The following TAFA1 variants were observed in gnomAD, a reference collection of about 807,000 sequenced individuals.
TAFA1 encodes the protein chemokine-like protein TAFA-1.
TAFA1 carries 4 observed loss-of-function variants against 18.5 expected under a neutral mutation model. The ratio of observed to expected loss-of-function variants is 0.22; its 90% CI spans 0.11 to 0.49. TAFA1 has a LOEUF of 0.49. TAFA1 is among the 20% of genes least tolerant of loss of function. The probability of loss-of-function intolerance (pLI) is 0.98; values close to 1 mark genes in which losing one functional copy is unlikely to be tolerated. For synonymous variants in TAFA1, 56 were observed against 55.2 expected (o/e 1.01, Z -0.06); for missense variants, 147 against 169.0 (o/e 0.87, Z 0.72).
the TAFA1 span, among the ~76,000 whole-genome samples, chr3:67,995,733 C>T: frequency 6.6e-6 from 1 of 152,162 alleles, no homozygotes; most frequent in Non-Finnish European, 1.5e-5. Context: ...GCATTTTCCT[C>T]TGGCACTAGG....
At chr3:68,168,109 C>T in intron 2 of TAFA1, among the ~76,000 whole-genome samples, 1 of 115,060 alleles carries the variant, frequency 8.7e-6, no homozygotes, top group African/African-American at 3.2e-5. Flanking sequence ...AACTTTTGGT[C>T]TGTTTATTTG....
chr3:68,203,181 C>T (rs2066487701), intron 2 of TAFA1, among the ~76,000 whole-genome samples: 1 of 151,594 alleles, frequency 6.6e-6, no homozygotes, highest in Non-Finnish European at 1.5e-5. Context: ...ATCTTTGCTC[C>T]TTTGCAGGTA....
chr3:68,061,062 T>C (rs2064596547), intron 2 of TAFA1, among the ~76,000 whole-genome samples: 1 of 152,138 alleles, frequency 6.6e-6, no homozygotes, highest in African/African-American at 2.4e-5. Flanking sequence ...TGTTTGGAGA[T>C]GGAGCTAACA....
intron 2 of TAFA1, among the ~76,000 whole-genome samples, chr3:68,066,152 C>T (rs1013763277): frequency 6.6e-6 from 1 of 151,996 alleles, no homozygotes; most frequent in African/African-American, 2.4e-5. Context: ...ATGCATATAT[C>T]AAAATTTATC....
At chr3:68,255,450 CT>C (rs892026070) in intron 2 of TAFA1, among the ~76,000 whole-genome samples, 2 of 151,946 alleles carry the variant, frequency 1.3e-5, no homozygotes, top group African/African-American at 4.8e-5. Context: ...GAATTGAGAA[CT>C]TTTTTTAAGG....
intron 2 of TAFA1, among the ~76,000 whole-genome samples, chr3:68,313,659 A>T (rs2068559582): frequency 6.6e-6 from 1 of 152,254 alleles, no homozygotes; most frequent in Non-Finnish European, 1.5e-5. Flanking sequence ...ATCTTTCTGC[A>T]GTGTACACCT....
At chr3:68,465,031 G>A (rs937037582) in intron 3 of TAFA1, among the ~76,000 whole-genome samples, 15 of 152,176 alleles carry the variant, frequency 9.9e-5, no homozygotes, top group South Asian at 4.1e-4. Flanking sequence ...GTCCTAAACC[G>A]TACAAAATAA....
intron 3 of TAFA1, among the ~76,000 whole-genome samples, chr3:68,506,185 C>T (rs2072749755): frequency 6.6e-6 from 1 of 152,052 alleles, no homozygotes; most frequent in Admixed American, 6.6e-5. Flanking sequence ...TGATAGTTTC[C>T]AGCTTCATCC....
At chr3:68,123,258 G>A (rs531046713) in intron 2 of TAFA1, among the ~76,000 whole-genome samples, 16 of 152,288 alleles carry the variant, frequency 1.1e-4, no homozygotes, top group African/African-American at 3.8e-4. Context: ...CAGGAGCACA[G>A]AGACTGGGCT....
intron 3 of TAFA1, among the ~76,000 whole-genome samples, chr3:68,505,259 C>T (rs2072727320): frequency 6.6e-6 from 1 of 152,154 alleles, no homozygotes; most frequent in Admixed American, 6.6e-5. Context: ...GGAATAGTCA[C>T]ATATGATGCA....
intron 2 of TAFA1, among the ~76,000 whole-genome samples, chr3:68,413,689 C>T (rs901733465): frequency 2.0e-5 from 3 of 151,844 alleles, no homozygotes; most frequent in African/African-American, 2.4e-5. Context: ...ATGGGACACA[C>T]AGACAATAAT....
At chr3:68,485,423 T>C (rs1032778689) in intron 3 of TAFA1, among the ~76,000 whole-genome samples, 2 of 152,190 alleles carry the variant, frequency 1.3e-5, no homozygotes, top group African/African-American at 4.8e-5. Context: ...TCAGGAAAAG[T>C]CCATCATTTT....
At chr3:68,504,974 T>C (rs1298999517) in intron 3 of TAFA1, among the ~76,000 whole-genome samples, 1 of 152,072 alleles carries the variant, frequency 6.6e-6, no homozygotes, top group African/African-American at 2.4e-5. Context: ...GCATGCAGAA[T>C]GGTAAGAACA....
chr3:68,365,324 C>T (rs369839041), intron 2 of TAFA1, among the ~76,000 whole-genome samples: 27 of 152,288 alleles, frequency 1.8e-4, no homozygotes, highest in African/African-American at 6.3e-4. Flanking sequence ...GGCCGCTCTA[C>T]CTGCTGCTGC....
intron 2 of TAFA1, among the ~76,000 whole-genome samples, chr3:68,164,466 G>A (rs898276716): frequency 1.3e-5 from 2 of 152,058 alleles, no homozygotes; most frequent in African/African-American, 4.8e-5. Flanking sequence ...AATTGCCCTG[G>A]GTATGTTCTG....
chr3:68,439,408 C>CATATATATATATATATATATATAT (rs1341782542), intron 3 of TAFA1, among the ~76,000 whole-genome samples: 1 of 28,236 alleles, frequency 3.5e-5, no homozygotes, highest in Non-Finnish European at 5.9e-5. Flanking sequence ...AATATATATA[C>CATATATATATATATATATATATAT]ATACATATAT....
chr3:68,170,849 TACACACACACAGAAACACAC>T (rs1339255793), intron 2 of TAFA1, among the ~76,000 whole-genome samples: 2,142 of 149,696 alleles, frequency 0.014, 147 homozygotes, highest in Admixed American at 0.12. Context: ...GGATACAGGC[TACACACACACAGAAACACAC>T]ACACACACAC....
At chr3:68,311,321 T>C (rs1434274101) in intron 2 of TAFA1, among the ~76,000 whole-genome samples, 1 of 152,178 alleles carries the variant, frequency 6.6e-6, no homozygotes, top group African/African-American at 2.4e-5. Flanking sequence ...TCAAAACCAA[T>C]CATGCCTTCC....
At chr3:68,206,630 A>G (rs1257270826) in intron 2 of TAFA1, among the ~76,000 whole-genome samples, 1 of 151,962 alleles carries the variant, frequency 6.6e-6, no homozygotes, top group Non-Finnish European at 1.5e-5. Flanking sequence ...ACCATAAATT[A>G]CACTTTCTCT....
Sources: gnomAD v4.1 joint callset for allele counts (sites outside exome capture counted in the v4.1 genomes callset) on GRCh38, gnomAD v4.1.1 for gene constraint, MANE v1.5 for transcripts, NCBI Gene and HGNC (gene_info 2026-07-23, HGNC 2026-07-21) for gene names.